Variants in LRRC69 observed in about 807,000 individuals in gnomAD.
The protein encoded by LRRC69 is leucine rich repeat containing 69.
In LRRC69, 42 loss-of-function variants were observed where a neutral mutation model predicts 37.8. The ratio of observed to expected loss-of-function variants is 1.11; its 90% confidence interval spans 0.87 to 1.44. The LOEUF is 1.44. LRRC69 is among the 40% of genes most tolerant of loss of function. The probability of loss-of-function intolerance (pLI) is 0.00; values close to 1 mark genes in which losing one functional copy is unlikely to be tolerated. For missense variants in LRRC69, 357 were observed against 401.9 expected, an observed-to-expected ratio of 0.89 and a Z score of 0.96; for synonymous variants, 141 against 143.1, an observed-to-expected ratio of 0.99 and a Z score of 0.11.
intron 3 of LRRC69, among the ~76,000 whole-genome samples, chr8:91,127,647 C>G (rs1813743626): frequency 7.0e-6 from 1 of 141,894 alleles, no homozygotes; most frequent in Non-Finnish European, 1.5e-5. Flanking sequence ...TTTTCCTTAT[C>G]CTGCATATCT....
chr8:91,140,900 G>C lies in LRRC69; in HGVS notation c.651+5161G>C, dbSNP rs1808520521. On this transcript the variant is annotated intron_variant, in intron 5 of 7. Transcript: ENST00000448384. ...GATCTCCTGACCTCGTGATCCGCCC[G>C]CCTCGGCCTCCCAAAGTGCTGGGAT... Among the ~76,000 whole-genome samples the C allele has an allele frequency of 1.2e-4, 2 of 17,334 alleles. 1 individual carries two copies. Among genetic ancestry groups the C allele is most frequent in the South Asian group, 4.8e-3 (2 of 416 alleles). The allele number at this position is 17,334 out of a possible 152,430, so 11.4% of individuals were successfully genotyped here. A position where few individuals can be genotyped will look rare whatever the true frequency, so the allele number is the denominator to read the frequency against.
At chr8:91,171,148 T>C (rs1809121391) in intron 5 of LRRC69, among the ~76,000 whole-genome samples, 1 of 151,976 alleles carries the variant, frequency 6.6e-6, no homozygotes, top group Non-Finnish European at 1.5e-5. Flanking sequence ...AAAAACAGAA[T>C]GTATGAAAAA....
At chr8:91,126,021 C>A (rs1051627666) in intron 2 of LRRC69, among the ~76,000 whole-genome samples, 5 of 151,876 alleles carry the variant, frequency 3.3e-5, no homozygotes, top group African/African-American at 1.2e-4. Context: ...GAGTTGGGAA[C>A]ATTCTTGACT....
chr8:91,122,958 T>C (rs1180549985), intron 1 of LRRC69, among the ~76,000 whole-genome samples: 14 of 152,074 alleles, frequency 9.2e-5, no homozygotes, highest in Admixed American at 9.2e-4. Flanking sequence ...CCCTAGATTA[T>C]CCAGGTGGAC....
chr8:91,213,298 T>A (rs1304807762), intron 7 of LRRC69, among the ~76,000 whole-genome samples: 1 of 152,152 alleles, frequency 6.6e-6, no homozygotes, highest in Non-Finnish European at 1.5e-5. Context: ...TAATGTGTCG[T>A]CTAAGCCAAG....
intron 4 of LRRC69, among the ~76,000 whole-genome samples, chr8:91,134,871 A>G (rs1317596313): frequency 2.6e-5 from 4 of 152,144 alleles, no homozygotes; most frequent in Non-Finnish European, 5.9e-5. Context: ...TCATTCTCAT[A>G]GCACAACTTT....
At chr8:91,121,555 A>T (rs1400360076) in intron 1 of LRRC69, among the ~76,000 whole-genome samples, 1 of 152,018 alleles carries the variant, frequency 6.6e-6, no homozygotes, top group African/African-American at 2.4e-5. Flanking sequence ...ATTGTCACTC[A>T]GATCTCAGTC....
In LRRC69 at chr8:91,176,798, A is replaced by G. The variant is rs112270636; in HGVS notation, c.652-12724A>G. 4.2e-3 allele frequency among the ~76,000 whole-genome samples: 643 copies of G among 152,292 alleles called. 5 individuals are homozygous for G. Among genetic ancestry groups the G allele is most frequent in the African/African-American group, 0.015 (605 of 41,570 alleles). On this transcript the variant is annotated intron_variant, in intron 5 of 7. Coordinates refer to ENST00000448384, the Ensembl canonical transcript of LRRC69. ...ACAGATTGGATAATGCCCAGTCACA[A>G]TGGGGAGGGCAATCTGCTTCATTCA...
chr8:91,121,559 C>G (rs945306296), intron 1 of LRRC69, among the ~76,000 whole-genome samples: 1 of 152,006 alleles, frequency 6.6e-6, no homozygotes, highest in East Asian at 1.9e-4. Context: ...TCACTCAGAT[C>G]TCAGTCTATA....
chr8:91,213,112 T>C (rs1043312372), intron 7 of LRRC69, among the ~76,000 whole-genome samples: 2 of 152,118 alleles, frequency 1.3e-5, no homozygotes, highest in Non-Finnish European at 2.9e-5. Flanking sequence ...ATGTTGAAAA[T>C]TCCTTGTGAA....
chr8:91,104,382 G>A (rs1813271508), intron 1 of LRRC69, among the ~76,000 whole-genome samples: 1 of 151,496 alleles, frequency 6.6e-6, no homozygotes, highest in South Asian at 2.1e-4. Context: ...TTTGTGTCTT[G>A]GGTAACTCTA....
exon 7 of LRRC69, chr8:91,200,760 C>T (rs1198125182): frequency 2.0e-6 from 3 of 1,532,390 alleles, no homozygotes. Flanking sequence ...AACCGTATGG[C>T]TGGAATGTGT....
chr8:91,215,523 C>T (rs1319928415), intron 7 of LRRC69, among the ~76,000 whole-genome samples: 12 of 151,884 alleles, frequency 7.9e-5, no homozygotes, highest in Admixed American at 7.2e-4. Flanking sequence ...TTAAAAAACA[C>T]GTAGAGAATA....
At chr8:91,206,441 T>G (rs1297236851) in intron 7 of LRRC69, among the ~76,000 whole-genome samples, 1 of 152,206 alleles carries the variant, frequency 6.6e-6, no homozygotes, top group Admixed American at 6.5e-5. Flanking sequence ...GGAGTAAATA[T>G]GTAATCTTGA....
intron 2 of LRRC69, among the ~76,000 whole-genome samples, chr8:91,126,225 C>T (rs188330619): frequency 6.6e-6 from 1 of 152,062 alleles, no homozygotes; most frequent in East Asian, 1.9e-4. Context: ...GGAGTTGGGT[C>T]CCAAGCTAAG....
chr8:91,112,997 C>T (rs1361028419), intron 1 of LRRC69, among the ~76,000 whole-genome samples: 3 of 151,680 alleles, frequency 2.0e-5, no homozygotes. Flanking sequence ...TAATAAAGTA[C>T]TCACAAACAA....
At chr8:91,196,073 G>A (rs1415361950) in intron 6 of LRRC69, among the ~76,000 whole-genome samples, 2 of 152,092 alleles carry the variant, frequency 1.3e-5, no homozygotes, top group African/African-American at 2.4e-5. Flanking sequence ...TTGCTTGTCT[G>A]TAAAGTATTT....
chr8:91,198,957 T>C (rs1197679119), intron 6 of LRRC69, among the ~76,000 whole-genome samples: 1 of 152,150 alleles, frequency 6.6e-6, no homozygotes, highest in Non-Finnish European at 1.5e-5. Context: ...AAAATATAAA[T>C]AATAGTTGAT....
chr8:91,178,114 C>T (rs547336630), intron 5 of LRRC69, among the ~76,000 whole-genome samples: 27 of 152,188 alleles, frequency 1.8e-4, no homozygotes, highest in Non-Finnish European at 3.2e-4. Flanking sequence ...TCCCAAAGTG[C>T]TGGGATTACA....
Sources: allele counts gnomAD v4.1 joint callset (sites outside exome capture counted in the v4.1 genomes callset), GRCh38; gene constraint gnomAD v4.1.1; transcripts MANE v1.5; gene names NCBI Gene and HGNC (gene_info 2026-07-23, HGNC 2026-07-21).